Variants in CWC22 observed in about 807,000 individuals in gnomAD.
CWC22 encodes the protein CWC22 spliceosome associated protein.
Under a neutral mutation model 117.2 loss-of-function variants are expected in CWC22, and 53 were observed. That is an observed-to-expected ratio of 0.45 (90% CI 0.36 to 0.57). The LOEUF (loss-of-function observed/expected upper bound fraction) is 0.57, where lower values mean the gene tolerates loss of function less well. Ranked by LOEUF, CWC22 falls within the 20% of genes least tolerant of loss-of-function variation. The probability of loss-of-function intolerance (pLI) is 0.00; values close to 1 mark genes in which losing one functional copy is unlikely to be tolerated. For synonymous variants in CWC22, 360 were observed against 355.6 expected (o/e 1.01, Z -0.14); for missense variants, 980 against 1,068.8 (o/e 0.92, Z 1.16).
At position 179,978,303 on chromosome 2, in the gene CWC22, C is replaced by G; in HGVS notation, c.468G>C (p.Arg156Ser). ...ACTTCTTCAGGGCCTCCCAACTCAT[C>G]CTCTGGTATGCTAAGCTAAAAAGAA... Reference protein sequence around the residue: ...ITDKNSLAYQRMSWEALKKSI... With the variant: ...ITDKNSLAYQSMSWEALKKSI... The change falls in exon 6 of 20, where the codon AGG becomes AGC. Residue 156 changes from arginine to serine, a missense_variant. By Grantham distance (110) the Arg-to-Ser change is moderately radical. This residue lies in a region of CWC22 where 559 missense variants were observed against 602.3 expected (regional missense o/e 0.93). Coordinates refer to ENST00000410053, the MANE Select transcript of CWC22 (RefSeq NM_020943.3). The G allele has an allele frequency of 6.6e-7, 1 of 1,520,822 alleles. No homozygotes were observed. The highest frequency in any genetic ancestry group is 8.8e-7 in the Non-Finnish European group (1 of 1,136,142). The allele number at this position is 1,520,822 out of a possible 1,614,324, so 94.2% of individuals were successfully genotyped here. A position where few individuals can be genotyped will look rare whatever the true frequency, so the allele number is the denominator to read the frequency against.
At chr2:179,987,366 C>T (rs936194047) in intron 3 of CWC22, among the ~76,000 whole-genome samples, 5 of 152,030 alleles carry the variant, frequency 3.3e-5, no homozygotes, top group African/African-American at 9.7e-5. Context: ...AATCAGAGAA[C>T]CTTAAGAGAA....
intron 11 of CWC22, among the ~76,000 whole-genome samples, chr2:179,967,924 G>C (rs1007965338): frequency 4.6e-5 from 7 of 152,100 alleles, no homozygotes; most frequent in African/African-American, 1.7e-4. Context: ...TCACTTTGGG[G>C]AAAACAACTA....
intron 13 of CWC22, among the ~76,000 whole-genome samples, chr2:179,960,237 G>A (rs766042985): frequency 6.6e-6 from 1 of 151,920 alleles, no homozygotes; most frequent in Non-Finnish European, 1.5e-5. Flanking sequence ...CCATATTACA[G>A]CACAAATCTA....
At chr2:179,995,407 TA>T (rs1559297958) in intron 1 of CWC22, among the ~76,000 whole-genome samples, 1 of 152,174 alleles carries the variant, frequency 6.6e-6, no homozygotes, top group Non-Finnish European at 1.5e-5. Flanking sequence ...GTTACCATCT[TA>T]ATAAGCCTAT....
chr2:179,957,937 T>C (rs1686639935), intron 14 of CWC22, among the ~76,000 whole-genome samples: 1 of 152,150 alleles, frequency 6.6e-6, no homozygotes, highest in African/African-American at 2.4e-5. Context: ...AAGTGAAGTA[T>C]ATCAAGCTGT....
chr2:179,964,555 A>T lies in CWC22; in HGVS notation c.1389T>A (p.Ile463=), dbSNP rs1686839878. 2.6e-6 allele frequency: 4 copies of T among 1,551,592 alleles called. No homozygotes were observed. In the East Asian group the frequency reaches 9.2e-5, roughly 36 times the overall value. The part of the protein sequence containing the change: ...VSFRRTIYLA[I]QSSLDFEECA... ...GAGATATGATGCCTTACCTTGACTG[A>T]ATAGCAAGATAAATTGTACGACGAA... Residue 463 remains isoleucine, a synonymous_variant, in exon 13 of 20, where the codon ATT becomes ATA. Coordinates refer to ENST00000410053, the MANE Select transcript of CWC22 (RefSeq NM_020943.3).
At chr2:179,964,189 T>C (rs1686830745) in intron 13 of CWC22, among the ~76,000 whole-genome samples, 1 of 152,224 alleles carries the variant, frequency 6.6e-6, no homozygotes, top group Non-Finnish European at 1.5e-5. Context: ...AGAAACCAAA[T>C]TTTAAAAATG....
chr2:179,979,638 A>G (rs1687238435), intron 5 of CWC22, among the ~76,000 whole-genome samples: 1 of 152,104 alleles, frequency 6.6e-6, no homozygotes, highest in African/African-American at 2.4e-5. Flanking sequence ...TGAGGATAAA[A>G]AACAGACTCA....
Position 179,993,350 on chromosome 2 carries a change from G to T in CWC22, c.-9C>A. The T allele has an allele frequency of 6.4e-7, 1 of 1,562,066 alleles. No individual in the cohort carries two copies. The highest frequency in any genetic ancestry group is 8.7e-7 in the Non-Finnish European group (1 of 1,150,506). ...GCCACACTACTTTTCATTTTCTGTT[G>T]CCAGTTGGTCCAATAAATCAAAGAT... On this transcript the variant is annotated 5_prime_UTR_variant, in exon 2 of 20. Coordinates refer to ENST00000410053, the MANE Select transcript of CWC22 (RefSeq NM_020943.3).
At chr2:179,956,549 G>C (rs1412775931) in intron 14 of CWC22, among the ~76,000 whole-genome samples, 1 of 150,656 alleles carries the variant, frequency 6.6e-6, no homozygotes, top group Non-Finnish European at 1.5e-5. Context: ...TTACAACATA[G>C]GGCTGGCTAC....
At chr2:179,995,995 T>C (rs1460633561) in intron 1 of CWC22, among the ~76,000 whole-genome samples, 1 of 152,198 alleles carries the variant, frequency 6.6e-6, no homozygotes, top group Non-Finnish European at 1.5e-5. Flanking sequence ...TGACTACCTC[T>C]GAACCAACAC....
At chr2:179,954,051 C>T (rs1671805135) in intron 16 of CWC22, among the ~76,000 whole-genome samples, 154 bp downstream of exon 16, 1 of 152,046 alleles carries the variant, frequency 6.6e-6, no homozygotes, top group Non-Finnish European at 1.5e-5. Flanking sequence ...CTTTCTGATT[C>T]CTTATAACAT....
At chr2:179,975,818 T>C (rs892820196) in intron 6 of CWC22, among the ~76,000 whole-genome samples, 1 of 152,184 alleles carries the variant, frequency 6.6e-6, no homozygotes, top group Non-Finnish European at 1.5e-5. Flanking sequence ...TATGTTAAAA[T>C]GTCCACAGTA....
intron 1 of CWC22, among the ~76,000 whole-genome samples, chr2:180,004,581 G>A (rs2105569623): frequency 6.6e-6 from 1 of 152,206 alleles, no homozygotes; most frequent in African/African-American, 2.4e-5. Context: ...TTTTAGTAGA[G>A]ACGGGGTTTC....
At chr2:179,996,461 TAAAG>T (rs1687701339) in intron 1 of CWC22, among the ~76,000 whole-genome samples, 1 of 151,910 alleles carries the variant, frequency 6.6e-6, no homozygotes, top group Non-Finnish European at 1.5e-5. Flanking sequence ...AAGCCAAAGA[TAAAG>T]AGAAAAATCC....
chr2:179,945,532 G>C lies in CWC22; in HGVS notation c.2324C>G (p.Ser775Ter). The C allele has an allele frequency of 6.2e-7, 1 of 1,613,168 alleles. No individual in the cohort carries two copies. Among genetic ancestry groups the C allele is most frequent in the Non-Finnish European group, 8.5e-7 (1 of 1,179,446 alleles). ...EKHRDQNSSG[S>*]NWRDPITKYT... The stretch of plus-strand genomic sequence containing the variant: ...CTTTGTTATAGGATCTCTCCAATTT[G>C]AACCACTTGAATTTTGATCTCTGTG... The change falls in exon 20 of 20, where the codon TCA (serine) becomes TGA (stop). Residue 775 changes from serine to a stop codon, truncating the protein, a stop_gained. Transcript: ENST00000410053. LOFTEE classifies it high-confidence loss of function.
In CWC22 at chr2:179,964,573, A is replaced by G. The variant is rs1686840539; in HGVS notation, c.1371T>C (p.Arg457=). ...TTGACTGAATAGCAAGATAAATTGT[A>G]CGACGAAATGAGACCAGGTTAATTT... is the stretch of plus-strand genomic sequence containing the variant. ...KTEINLVSFR[R]TIYLAIQSSL... The change falls in exon 13 of 20, where the codon CGT becomes CGC. Residue 457 remains arginine (R), a synonymous_variant. Coordinates refer to ENST00000410053, the MANE Select transcript of CWC22 (RefSeq NM_020943.3). The G allele has an allele frequency of 6.4e-7, 1 of 1,569,646 alleles. No individual in the cohort carries two copies. Among genetic ancestry groups the G allele is most frequent in the Non-Finnish European group, 8.7e-7 (1 of 1,153,650 alleles).
chr2:179,952,718 G>A, intron 16 of CWC22, 120 bp from the exon 17 acceptor site: 1 of 490,782 alleles, frequency 2.0e-6, no homozygotes, highest in Non-Finnish European at 3.4e-6. Flanking sequence ...TCTTCAACCA[G>A]AGTTATCTCT....
intron 5 of CWC22, 38 bp downstream of exon 5, chr2:179,981,714 A>T: frequency 1.3e-6 from 2 of 1,557,916 alleles, no homozygotes; most frequent in South Asian, 1.1e-5. Context: ...TTTCAATGAC[A>T]ATTTCATGGC....
Sources: gnomAD v4.1 joint callset for allele counts (sites outside exome capture counted in the v4.1 genomes callset) on GRCh38, gnomAD v4.1.1 for gene constraint, gnomAD v4.1.1 regional missense constraint, MANE v1.5 for transcripts, NCBI Gene and HGNC (gene_info 2026-07-23, HGNC 2026-07-21) for gene names.